PARD3B: variants seen among roughly 807,000 people sequenced by gnomAD.
The protein encoded by PARD3B is par-3 family cell polarity regulator beta.
Under a neutral mutation model 130.2 loss-of-function variants are expected in PARD3B, and 103 were observed. That is an observed-to-expected ratio of 0.79 (90% CI 0.67 to 0.93). The LOEUF is 0.93. Ranked by LOEUF, PARD3B falls within the 40% of genes least tolerant of loss-of-function variation. The pLI is 0.00. For synonymous variants in PARD3B, 583 were observed against 553.2 expected, an observed-to-expected ratio of 1.05 and a Z score of -0.76; for missense variants, 1,609 against 1,499.2, an observed-to-expected ratio of 1.07 and a Z score of -1.21.
At chr2:204,585,528 G>A (rs2032779785) in intron 1 of PARD3B, among the ~76,000 whole-genome samples, 1 of 148,708 alleles carries the variant, frequency 6.7e-6, no homozygotes, top group Non-Finnish European at 1.5e-5. Flanking sequence ...ATTTTTTGTG[G>A]AGACAGGGTT....
At chr2:205,382,449 T>G (rs1478169927) in intron 18 of PARD3B, among the ~76,000 whole-genome samples, 1 of 152,164 alleles carries the variant, frequency 6.6e-6, no homozygotes, top group East Asian at 1.9e-4. Context: ...CATTAAGCCA[T>G]GTCCGCTGGG....
chr2:204,759,437 C>T (rs1359045333), intron 2 of PARD3B, among the ~76,000 whole-genome samples: 1 of 152,032 alleles, frequency 6.6e-6, no homozygotes, highest in Non-Finnish European at 1.5e-5. Context: ...CCATAATATA[C>T]ATATTTAAAA....
intron 3 of PARD3B, among the ~76,000 whole-genome samples, chr2:204,989,958 T>A (rs1693509227): frequency 6.6e-6 from 1 of 152,142 alleles, no homozygotes; most frequent in African/African-American, 2.4e-5. Context: ...AAATTGTTTG[T>A]TTATAGAATA....
At chr2:205,217,770 G>C (rs2037996369) in intron 15 of PARD3B, among the ~76,000 whole-genome samples, 1 of 143,688 alleles carries the variant, frequency 7.0e-6, no homozygotes, top group East Asian at 2.1e-4. Context: ...GTGTAGATAA[G>C]TATATATGTA....
intron 2 of PARD3B, among the ~76,000 whole-genome samples, chr2:204,759,408 C>G (rs1002999201): frequency 6.6e-6 from 1 of 151,982 alleles, no homozygotes; most frequent in Non-Finnish European, 1.5e-5. Flanking sequence ...GTGTATTCCT[C>G]CAGAAATGTT....
At chr2:205,249,006 G>GTTTTTT (rs10707308) in intron 16 of PARD3B, among the ~76,000 whole-genome samples, 12 of 95,102 alleles carry the variant, frequency 1.3e-4, no homozygotes, top group African/African-American at 5.6e-4. Context: ...TAAAATAAGA[G>GTTTTTT]TTTTTTTTTT....
chr2:205,315,203 AT>A (rs1242491261), intron 18 of PARD3B, among the ~76,000 whole-genome samples: 2 of 152,172 alleles, frequency 1.3e-5, no homozygotes, highest in Non-Finnish European at 2.9e-5. Context: ...CTCTGGAACT[AT>A]TCTACTTAGG....
chr2:205,218,376 A>G (rs2038062713), intron 15 of PARD3B, among the ~76,000 whole-genome samples: 1 of 152,220 alleles, frequency 6.6e-6, no homozygotes, highest in African/African-American at 2.4e-5. Context: ...ACATAAATCC[A>G]AGTGTGAAAT....
chr2:205,139,198 A>G (rs2032741889), intron 10 of PARD3B, among the ~76,000 whole-genome samples: 1 of 152,272 alleles, frequency 6.6e-6, no homozygotes, highest in Admixed American at 6.5e-5. Context: ...TAAGAAAAAC[A>G]AAGGCTCAAC....
intron 18 of PARD3B, among the ~76,000 whole-genome samples, chr2:205,387,536 G>A (rs1295832375): frequency 6.6e-6 from 1 of 152,100 alleles, no homozygotes; most frequent in Non-Finnish European, 1.5e-5. Context: ...CAGTAGGATG[G>A]GTCCTGGAGA....
intron 19 of PARD3B, 99 bp downstream of exon 19, chr2:205,401,222 G>C: frequency 2.1e-6 from 2 of 965,460 alleles, no homozygotes; most frequent in Non-Finnish European, 3.1e-6. Context: ...ATTTTAAGAA[G>C]TATAGGGGTT....
At chr2:205,570,602 A>G (rs1461847152) in intron 22 of PARD3B, among the ~76,000 whole-genome samples, 1 of 152,164 alleles carries the variant, frequency 6.6e-6, no homozygotes, top group Non-Finnish European at 1.5e-5. Context: ...TCTGCTTTTA[A>G]AGAGAACAAA....
intron 21 of PARD3B, among the ~76,000 whole-genome samples, chr2:205,503,786 T>C (rs1328400797): frequency 6.6e-6 from 1 of 152,124 alleles, no homozygotes; most frequent in African/African-American, 2.4e-5. Context: ...TTTCACGATA[T>C]TGATTCTTCC....
At chr2:204,888,596 T>C (rs2046340856) in intron 2 of PARD3B, among the ~76,000 whole-genome samples, 1 of 151,884 alleles carries the variant, frequency 6.6e-6, no homozygotes. Flanking sequence ...ATGGATGTGG[T>C]TGTGTGCTTC....
intron 2 of PARD3B, among the ~76,000 whole-genome samples, chr2:204,850,858 TG>T (rs772830235): frequency 1.3e-5 from 2 of 152,198 alleles, no homozygotes; most frequent in Non-Finnish European, 2.9e-5. Context: ...CGCCTGTTTT[TG>T]TATTGGTAGC....
Position 205,170,181 on chromosome 2 carries a change from C to T in PARD3B, c.1621-2030C>T, listed in dbSNP as rs137950816. On this transcript the variant is annotated intron_variant, in intron 11 of 22. Transcript: ENST00000406610. The stretch of plus-strand genomic sequence containing the variant: ...CTGACCTCAGGGGATCCGCCCACCT[C>T]GGCCTCCCAGAGTGCTGGGGTTACA... 5.3e-3 allele frequency among the ~76,000 whole-genome samples: 802 copies of T among 152,272 alleles called. 9 individuals are homozygous for T. Among genetic ancestry groups the T allele is most frequent in the African/African-American group, 0.018 (766 of 41,556 alleles).
At chr2:205,213,237 T>C (rs1465006641) in intron 15 of PARD3B, among the ~76,000 whole-genome samples, 2 of 152,252 alleles carry the variant, frequency 1.3e-5, no homozygotes, top group East Asian at 3.9e-4. Flanking sequence ...TCCAGCTCCT[T>C]TTCTGAATTC....
intron 20 of PARD3B, among the ~76,000 whole-genome samples, chr2:205,479,411 G>A (rs1272001077): frequency 1.3e-5 from 2 of 152,130 alleles, no homozygotes; most frequent in African/African-American, 2.4e-5. Context: ...GCCACTATTG[G>A]GGGACTAGAC....
rs1486841983 is a variant in PARD3B at position 205,440,558 on chromosome 2, CT to C, written c.2931del (p.Gly978AspfsTer19). The C allele has an allele frequency of 6.2e-7, 1 of 1,614,084 alleles. No individual in the cohort carries two copies. The highest frequency in any genetic ancestry group is 2.2e-5 in the East Asian group (1 of 44,862). ...TTTAGATCTCCATCTCCCCCTCGAG[CT>C]GGACCATTTGGTTACCCTCGGGATG... ...NVFRSPSPPR[A>X]GPFGYPRDGH... On this transcript the variant is annotated frameshift_variant, in exon 20 of 23. Transcript: ENST00000406610. LOFTEE classifies it high-confidence loss of function. The surrounding 1 kb of genome is among the most constrained non-coding windows in gnomAD (Gnocchi z 4.2).
Sources: gnomAD v4.1 joint callset for allele counts (sites outside exome capture counted in the v4.1 genomes callset) on GRCh38, gnomAD v4.1.1 for gene constraint, Gnocchi (gnomAD v3.1) non-coding constraint, MANE v1.5 for transcripts, NCBI Gene and HGNC (gene_info 2026-07-23, HGNC 2026-07-21) for gene names.